The following GABRG3 variants were observed in gnomAD, a reference collection of about 807,000 sequenced individuals.
GABRG3 encodes gamma-aminobutyric acid receptor subunit gamma-3.
A neutral mutation model predicts 48.8 loss-of-function variants in GABRG3; 25 were observed. The observed-to-expected ratio is 0.51, with a 90% confidence interval of 0.37 to 0.72. The LOEUF (loss-of-function observed/expected upper bound fraction) is 0.72, where lower values mean the gene tolerates loss of function less well. Among genes scored for constraint, GABRG3 ranks in the 30% least tolerant of loss-of-function variants. GABRG3 has a pLI of 0.00. For missense variants in GABRG3, 394 were observed against 577.9 expected (o/e 0.68, Z 3.26); for synonymous variants, 227 against 217.6 (o/e 1.04, Z -0.38).
At chr15:27,123,253 C>G (rs1258768569) in intron 3 of GABRG3, among the ~76,000 whole-genome samples, 1 of 152,118 alleles carries the variant, frequency 6.6e-6, no homozygotes, top group East Asian at 1.9e-4. Flanking sequence ...CTTTTTGACT[C>G]TTGGACATTG....
rs41301775 is a variant in GABRG3 at position 26,977,254 on chromosome 15, C to T, written c.202+104C>T. 11,821 of 1,228,292 alleles carry T rather than the reference C, an allele frequency of 9.6e-3. 61 individuals carry two copies. Among genetic ancestry groups the T allele is most frequent in the Non-Finnish European group, 0.011 (9,995 of 874,916 alleles). 76.1% of individuals were successfully genotyped at this position (1,228,292 alleles called of 1,614,324 possible). A position where few individuals can be genotyped will look rare whatever the true frequency, so the allele number is the denominator to read the frequency against. On this transcript the variant is annotated intron_variant, in intron 2 of 9. Coordinates refer to ENST00000615808, the MANE Select transcript of GABRG3 (RefSeq NM_033223.5). ...TTCCAAGAGTATTGCAAAGATAGTG[C>T]AGAAAGGTTTCCTGTACTTGTCACA...
intron 3 of GABRG3, among the ~76,000 whole-genome samples, chr15:27,138,291 A>G (rs1416251721): frequency 1.3e-5 from 2 of 152,152 alleles, no homozygotes; most frequent in African/African-American, 4.8e-5. Flanking sequence ...CCCTCCTGGT[A>G]ACTACATCTA....
At chr15:27,108,079 T>G (rs1031636285) in intron 3 of GABRG3, among the ~76,000 whole-genome samples, 1 of 151,978 alleles carries the variant, frequency 6.6e-6, no homozygotes, top group Non-Finnish European at 1.5e-5. Flanking sequence ...ACTCTTAGTT[T>G]TTATCACCTC....
chr15:27,477,587 A>G (rs1889977328), intron 5 of GABRG3, among the ~76,000 whole-genome samples: 1 of 152,196 alleles, frequency 6.6e-6, no homozygotes, highest in African/African-American at 2.4e-5. Flanking sequence ...AGTAATAACG[A>G]CATGATTAAT....
At chr15:27,160,612 G>A (rs1887146378) in intron 3 of GABRG3, among the ~76,000 whole-genome samples, 1 of 151,430 alleles carries the variant, frequency 6.6e-6, no homozygotes, top group African/African-American at 2.4e-5. Flanking sequence ...CTAATACTTA[G>A]GATGTTTCTT....
rs34136482 is a variant in GABRG3 at position 27,369,761 on chromosome 15, T to C, written c.574+40873T>C. On this transcript the variant is annotated intron_variant, in intron 5 of 9. Transcript: ENST00000615808. The stretch of plus-strand genomic sequence containing the variant: ...GGTGGAGGTTGCAGTGAGCTGAGAT[T>C]GCACCACTGCACTCCAGCCTGGGCG... Among the ~76,000 whole-genome samples, 5 of 133,306 alleles carry C rather than the reference T, an allele frequency of 3.8e-5. No individual in the cohort carries two copies. The East Asian group carries it at 6.4e-4, about 17-fold the overall frequency. 87.5% of individuals were successfully genotyped at this position (133,306 alleles called of 152,430 possible). A position where few individuals can be genotyped will look rare whatever the true frequency, so the allele number is the denominator to read the frequency against.
At chr15:27,247,944 T>TG (rs1200627022) in intron 3 of GABRG3, among the ~76,000 whole-genome samples, 1 of 152,162 alleles carries the variant, frequency 6.6e-6, no homozygotes, top group East Asian at 1.9e-4. Context: ...AGATGAGATT[T>TG]GGGTGGGGAC....
At chr15:27,168,069 G>C (rs749341475) in intron 3 of GABRG3, among the ~76,000 whole-genome samples, 6 of 151,924 alleles carry the variant, frequency 3.9e-5, no homozygotes, top group African/African-American at 7.2e-5. Flanking sequence ...TTTCTTTATG[G>C]GAAAAACAGC....
intron 3 of GABRG3, among the ~76,000 whole-genome samples, chr15:27,217,932 G>A (rs1190421447): frequency 2.0e-5 from 3 of 152,104 alleles, no homozygotes; most frequent in Non-Finnish European, 4.4e-5. Context: ...CAAACCAGCC[G>A]CAGGGACAGA....
At chr15:27,099,150 A>G (rs1048986161) in intron 3 of GABRG3, among the ~76,000 whole-genome samples, 1 of 152,244 alleles carries the variant, frequency 6.6e-6, no homozygotes, top group African/African-American at 2.4e-5. Context: ...CAGAGAAAAT[A>G]CTTAGACAAT....
intron 3 of GABRG3, among the ~76,000 whole-genome samples, chr15:27,030,273 A>G (rs1449699286): frequency 6.6e-6 from 1 of 152,134 alleles, no homozygotes; most frequent in Non-Finnish European, 1.5e-5. Context: ...AACAATGACT[A>G]TTTCACTTTC....
intron 3 of GABRG3, among the ~76,000 whole-genome samples, chr15:27,066,344 T>C (rs1295261238): frequency 2.0e-5 from 3 of 152,212 alleles, no homozygotes; most frequent in African/African-American, 7.2e-5. Flanking sequence ...TTTCTGTGTT[T>C]ATGTCTTTTG....
chr15:27,179,415 C>T lies in GABRG3; in HGVS notation c.271-147394C>T, dbSNP rs1160768767. Among the ~76,000 whole-genome samples the T allele has an allele frequency of 6.6e-6, 1 of 152,124 alleles. No individual in the cohort carries two copies. The highest frequency in any genetic ancestry group is 1.5e-5 in the Non-Finnish European group (1 of 68,032). On this transcript the variant is annotated intron_variant, in intron 3 of 9. Coordinates refer to ENST00000615808, the MANE Select transcript of GABRG3 (RefSeq NM_033223.5). The surrounding 1 kb of genome is among the most constrained non-coding windows in gnomAD (Gnocchi z 4.0). Reference sequence around the variant, plus strand: ...TTCCATTTTTGTTGATAATGATGCCCTCAGTTTTGTAATTGCTTATTTACC... The same window carrying T: ...TTCCATTTTTGTTGATAATGATGCCTTCAGTTTTGTAATTGCTTATTTACC...
chr15:27,305,051 G>A (rs901419893), intron 3 of GABRG3, among the ~76,000 whole-genome samples: 3 of 151,728 alleles, frequency 2.0e-5, no homozygotes, highest in Non-Finnish European at 4.4e-5. Flanking sequence ...ACAACTATGA[G>A]AATTTTATAG....
At chr15:27,521,161 A>G (rs976744564) in intron 7 of GABRG3, among the ~76,000 whole-genome samples, 1 of 152,180 alleles carries the variant, frequency 6.6e-6, no homozygotes, top group African/African-American at 2.4e-5. Context: ...AATTGAGACT[A>G]TGAAAATCCT....
At chr15:27,489,663 T>C (rs538117966) in intron 6 of GABRG3, among the ~76,000 whole-genome samples, 1 of 152,346 alleles carries the variant, frequency 6.6e-6, no homozygotes, top group African/African-American at 2.4e-5. Flanking sequence ...GTTGGCTGCA[T>C]AAATGTCTTC....
chr15:27,491,585 T>A (rs1890356318), intron 6 of GABRG3, among the ~76,000 whole-genome samples: 1 of 152,230 alleles, frequency 6.6e-6, no homozygotes, highest in South Asian at 2.1e-4. Flanking sequence ...TCTTTGGATT[T>A]CAAACATCTG....
intron 3 of GABRG3, among the ~76,000 whole-genome samples, chr15:27,307,645 A>G (rs1320500360): frequency 1.6e-5 from 2 of 124,506 alleles, no homozygotes; most frequent in African/African-American, 5.9e-5. Context: ...ATATATAAAC[A>G]TAGGTTTATA....
Position 27,523,763 on chromosome 15 carries a change from G to A in GABRG3, c.865+3639G>A, listed in dbSNP as rs117332202. Among the ~76,000 whole-genome samples, 610 of 152,050 alleles carry A rather than the reference G, an allele frequency of 4.0e-3. 6 individuals carry two copies. The highest frequency in any genetic ancestry group is 0.021 in the South Asian group (99 of 4,820). ...GTGCTTAACAAAAGAAGATAAGACA[G>A]AGGAAAGAATCAGTGAACCATGAGA... On this transcript the variant is annotated intron_variant, in intron 7 of 9. Coordinates refer to ENST00000615808, the MANE Select transcript of GABRG3 (RefSeq NM_033223.5).
Sources: allele counts gnomAD v4.1 joint callset (sites outside exome capture counted in the v4.1 genomes callset), GRCh38; gene constraint gnomAD v4.1.1; non-coding constraint Gnocchi (gnomAD v3.1); transcripts MANE v1.5; gene names NCBI Gene and HGNC (gene_info 2026-07-23, HGNC 2026-07-21).